PPP4R3B: variants seen among roughly 807,000 people sequenced by gnomAD.
The protein encoded by PPP4R3B is protein phosphatase 4 regulatory subunit 3B.
Under a neutral mutation model 95.4 loss-of-function variants are expected in PPP4R3B, and 52 were observed. The observed-to-expected ratio is 0.54, with a 90% CI of 0.44 to 0.69. The LOEUF (loss-of-function observed/expected upper bound fraction) is 0.69. Among genes scored for constraint, PPP4R3B ranks in the 30% least tolerant of loss-of-function variants. PPP4R3B has a pLI of 0.00. For missense variants in PPP4R3B, 1,003 were observed against 1,005.9 expected (o/e 1.00, Z 0.04); for synonymous variants, 407 against 343.9 (o/e 1.18, Z -2.03).
chr2:55,585,294 T>C (rs1689992540), intron 6 of PPP4R3B, 127 bp from the exon 7 acceptor site: 1 of 588,180 alleles, frequency 1.7e-6, no homozygotes, highest in South Asian at 2.4e-5. Flanking sequence ...CTGCAATCAA[T>C]GTGTATAACC....
intron 16 of PPP4R3B, among the ~76,000 whole-genome samples, chr2:55,557,775 T>C (rs1258843784): frequency 6.6e-6 from 1 of 152,174 alleles, no homozygotes; most frequent in Non-Finnish European, 1.5e-5. Flanking sequence ...AGTTGTCCCC[T>C]ATTTATGCCT....
chr2:55,563,821 C>T (rs1686938142), intron 15 of PPP4R3B, among the ~76,000 whole-genome samples: 1 of 152,096 alleles, frequency 6.6e-6, no homozygotes, highest in African/African-American at 2.4e-5. Flanking sequence ...ACAAGTTAAG[C>T]ACATCTGAAA....
At chr2:55,594,302 T>TA (rs35730010) in intron 4 of PPP4R3B, among the ~76,000 whole-genome samples, 94 of 123,554 alleles carry the variant, frequency 7.6e-4, no homozygotes, top group East Asian at 4.5e-3. Context: ...GAATCTAAAA[T>TA]AAAAAAAAAA....
intron 5 of PPP4R3B, 33 bp downstream of exon 5, chr2:55,588,846 G>C (rs553021562): frequency 3.5e-6 from 5 of 1,440,732 alleles, no homozygotes; most frequent in Non-Finnish European, 4.8e-6. Context: ...AAAAGAATAA[G>C]TGCTCTTTAA....
intron 16 of PPP4R3B, among the ~76,000 whole-genome samples, chr2:55,551,862 T>G (rs1685290639): frequency 6.6e-6 from 1 of 152,248 alleles, no homozygotes; most frequent in Admixed American, 6.5e-5. Context: ...CTATTACTAC[T>G]ATCATTTTTC....
At chr2:55,553,983 C>T (rs558822931) in intron 16 of PPP4R3B, among the ~76,000 whole-genome samples, 183 of 152,290 alleles carry the variant, frequency 1.2e-3, no homozygotes, top group Non-Finnish European at 2.3e-3. Context: ...AATGAGGTAG[C>T]TGGGTCATAT....
chr2:55,568,807 A>C (rs957897028), intron 12 of PPP4R3B, among the ~76,000 whole-genome samples: 7 of 152,348 alleles, frequency 4.6e-5, no homozygotes, highest in Admixed American at 3.9e-4. Flanking sequence ...AGGTGGGCAC[A>C]GGAGTGGGCA....
At chr2:55,590,891 C>T (rs1690917188) in intron 4 of PPP4R3B, among the ~76,000 whole-genome samples, 1 of 152,138 alleles carries the variant, frequency 6.6e-6, no homozygotes, top group South Asian at 2.1e-4. Flanking sequence ...CCACTAGGTA[C>T]AATCAGAGAG....
rs1051903645 is a variant in PPP4R3B at position 55,598,458 on chromosome 2, A to G, written c.879T>C (p.Ser293=). ...TCTCAACTTTGTTGAAGAAAATAAA[A>G]GACGTAAGAGTAGAAAGAAAATTCT... ...FEENFLSTLT[S]FIFFNKVEIV... The change falls in exon 4 of 17, where the codon TCT becomes TCC. Residue 293 remains serine, a synonymous_variant. Coordinates refer to ENST00000616407, the MANE Select transcript of PPP4R3B (RefSeq NM_001122964.3). The G allele has an allele frequency of 1.9e-6, 3 of 1,613,952 alleles. No homozygotes were observed. The highest frequency in any genetic ancestry group is 2.5e-6 in the Non-Finnish European group (3 of 1,180,020).
Position 55,573,711 on chromosome 2 carries a change from T to C in PPP4R3B, c.1673A>G (p.His558Arg). The stretch of plus-strand genomic sequence containing the variant: ...AATATAGTTTTTTATGTGATATGTG[T>C]GATGTTCCACACAAAATGTGAGTAA... ...LELLTFCVEH[H>R]TYHIKNYIMN... Residue 558 changes from histidine (H) to arginine (R), a missense_variant, in exon 12 of 17, where the codon CAC becomes CGC. Transcript: ENST00000616407. The C allele has an allele frequency of 6.5e-7, 1 of 1,546,354 alleles. No individual in the cohort carries two copies. The highest frequency in any genetic ancestry group is 8.7e-7 in the Non-Finnish European group (1 of 1,145,426).
At position 55,588,893 on chromosome 2, in the gene PPP4R3B, TATC is replaced by T. The variant is rs1284913588; in HGVS notation, c.982_984del (p.Asp328del). 4 of 1,608,340 alleles carry T rather than the reference TATC, an allele frequency of 2.5e-6. No individual in the cohort carries two copies. Among genetic ancestry groups the T allele is most frequent in the East Asian group, 2.2e-5 (1 of 44,738 alleles). ...TCATAACTTACCAATTCACGCCGTT[TATC>T]ATCATCTGTAGCCTCATCTGTTAAT... On this transcript the variant is annotated inframe_deletion, in exon 5 of 17. Coordinates refer to ENST00000616407, the MANE Select transcript of PPP4R3B (RefSeq NM_001122964.3).
Position 55,565,015 on chromosome 2 carries a change from A to G in PPP4R3B, c.1962T>C (p.His654=), listed in dbSNP as rs1687105712. 1.9e-6 allele frequency: 3 copies of G among 1,603,612 alleles called. No homozygotes were observed. The highest frequency in any genetic ancestry group is 1.1e-5 in the South Asian group (1 of 89,120). The part of the protein sequence containing the change: ...RVEDIKSLTA[H]IVENFYKALE... The stretch of plus-strand genomic sequence containing the variant: ...GTGCTTTATAAAAGTTTTCAACTAT[A>G]TGGGCAGTAAGAGACTTGATATCTT... The change falls in exon 14 of 17, where the codon CAT becomes CAC. Residue 654 remains histidine (H), a synonymous_variant. Transcript: ENST00000616407.
chr2:55,591,861 A>G (rs1389369022), intron 4 of PPP4R3B, among the ~76,000 whole-genome samples: 3 of 152,246 alleles, frequency 2.0e-5, no homozygotes, highest in Non-Finnish European at 4.4e-5. Context: ...CAAATAATCA[A>G]TAACTTAAAG....
rs114885775 is a variant in PPP4R3B, at chr2:55,561,414, C to A, written c.2261-2446G>T. Among the ~76,000 whole-genome samples the A allele has an allele frequency of 1.1e-3, 174 of 152,362 alleles. No homozygotes were observed. In the Middle Eastern group the frequency reaches 0.02, roughly 18 times the overall value. On this transcript the variant is annotated intron_variant, in intron 15 of 16. Transcript: ENST00000616407. ...TTGGAGCCCCCACATAGAGTCCCCA[C>A]TGGGATACTGCCTAGTGGAGCCATG...
chr2:55,571,234 C>T (rs985888073), intron 12 of PPP4R3B, among the ~76,000 whole-genome samples: 12 of 151,966 alleles, frequency 7.9e-5, no homozygotes, highest in Non-Finnish European at 1.3e-4. Context: ...CACTTGAAAC[C>T]GGGAAGCAGA....
chr2:55,579,565 T>C (rs1689159466), intron 9 of PPP4R3B, 114 bp downstream of exon 9: 3 of 569,888 alleles, frequency 5.3e-6, no homozygotes, highest in Non-Finnish European at 8.4e-6. Flanking sequence ...TTTAAGTTTT[T>C]CAGTCGTAAT....
chr2:55,600,200 G>A (rs1463289301), intron 3 of PPP4R3B, among the ~76,000 whole-genome samples: 1 of 152,050 alleles, frequency 6.6e-6, no homozygotes, highest in East Asian at 1.9e-4. Flanking sequence ...GCCAAGTTGG[G>A]CGGATCACCT....
Position 55,547,534 on chromosome 2 carries a change from T to C in PPP4R3B, c.*2377A>G, listed in dbSNP as rs1684855069. ...AGCCTTGTTCTCTTATCGTCGTAGG[T>C]AAGCACTTGTACCATGAAAACCGTA... On this transcript the variant is annotated 3_prime_UTR_variant, in exon 17 of 17. Transcript: ENST00000616407. The C allele has an allele frequency of 6.6e-6, 1 of 152,236 alleles. No individual in the cohort carries two copies. The highest frequency in any genetic ancestry group is 2.1e-4 in the South Asian group (1 of 4,836). The allele number at this position is 152,236 out of a possible 1,614,324, so 9.4% of individuals were successfully genotyped here. A position where few individuals can be genotyped will look rare whatever the true frequency, so the allele number is the denominator to read the frequency against.
intron 10 of PPP4R3B, among the ~76,000 whole-genome samples, 187 bp downstream of exon 10, chr2:55,578,060 G>C (rs1410126313): frequency 6.6e-6 from 1 of 152,040 alleles, no homozygotes; most frequent in Admixed American, 6.6e-5. Flanking sequence ...ATATGAATTA[G>C]ATCAATATGA....
Sources: allele counts gnomAD v4.1 joint callset (sites outside exome capture counted in the v4.1 genomes callset), GRCh38; gene constraint gnomAD v4.1.1; transcripts MANE v1.5; gene names NCBI Gene and HGNC (gene_info 2026-07-23, HGNC 2026-07-21).